EPHA1: variants seen among roughly 807,000 people sequenced by gnomAD.
EPHA1 encodes the protein EPH receptor A1.
EPHA1 carries 92 observed loss-of-function variants against 110.1 expected under a neutral mutation model. The ratio of observed to expected loss-of-function variants is 0.84; its 90% confidence interval spans 0.71 to 0.99. The LOEUF is 0.99. EPHA1 is among the 50% of genes least tolerant of loss of function. The probability of loss-of-function intolerance (pLI) is 0.00; values close to 1 mark genes in which losing one functional copy is unlikely to be tolerated. For synonymous variants in EPHA1, 500 were observed against 516.1 expected (o/e 0.97, Z 0.42); for missense variants, 1,204 against 1,285.4 (o/e 0.94, Z 0.97).
rs567687485 is a variant in EPHA1 at position 143,394,622 on chromosome 7, A to G, written c.2352+186T>C. Among the ~76,000 whole-genome samples, 7 of 152,106 alleles carry G rather than the reference A, an allele frequency of 4.6e-5. No homozygotes were observed. The South Asian group carries it at 1.2e-3, about 27-fold the overall frequency. On this transcript the variant is annotated intron_variant, in intron 14 of 17. Coordinates refer to ENST00000275815, the MANE Select transcript of EPHA1 (RefSeq NM_005232.5). The stretch of plus-strand genomic sequence containing the variant: ...TTTTTAGTAGAGACGGGGTTTCACC[A>G]TGTTCGCCAGGCTGGTCTCGATCTC...
Position 143,400,060 on chromosome 7 carries a change from A to G in EPHA1, c.433-7T>C. The stretch of plus-strand genomic sequence containing the variant: ...CTGCAGCCACCGTGGTTACCTGGGT[A>G]GAAGGTGGGGAAGAAAGGGGAGCAA... On this transcript the variant is annotated splice_polypyrimidine_tract_variant and splice_region_variant and intron_variant, in intron 3 of 17. Coordinates refer to ENST00000275815, the MANE Select transcript of EPHA1 (RefSeq NM_005232.5). The G allele has an allele frequency of 6.3e-7, 1 of 1,587,204 alleles. No homozygotes were observed. The highest frequency in any genetic ancestry group is 8.6e-7 in the Non-Finnish European group (1 of 1,163,312).
intron 16 of EPHA1, among the ~76,000 whole-genome samples, chr7:143,392,836 G>A (rs1188316919): frequency 6.6e-6 from 1 of 152,144 alleles, no homozygotes; most frequent in Non-Finnish European, 1.5e-5. Context: ...CAGCTACTCA[G>A]GAGGCCGAGA....
intron 2 of EPHA1, among the ~76,000 whole-genome samples, chr7:143,403,835 T>A (rs1217772935): frequency 6.6e-6 from 1 of 152,268 alleles, no homozygotes; most frequent in East Asian, 1.9e-4. Flanking sequence ...ACTATTTGTA[T>A]GTTTATGCAA....
chr7:143,402,871 T>G (rs1218810152), intron 2 of EPHA1, among the ~76,000 whole-genome samples: 1 of 152,150 alleles, frequency 6.6e-6, no homozygotes. Flanking sequence ...AGTAAAGACT[T>G]ACACAGAATA....
intron 3 of EPHA1, chr7:143,400,834 A>G (rs992930656): frequency 6.1e-6 from 1 of 165,250 alleles, no homozygotes; most frequent in African/African-American, 2.4e-5. Context: ...TGACACCCCC[A>G]AAGTCACGGC....
intron 2 of EPHA1, among the ~76,000 whole-genome samples, chr7:143,404,262 G>A (rs1805488427): frequency 6.6e-6 from 1 of 150,958 alleles, no homozygotes; most frequent in Non-Finnish European, 1.5e-5. Flanking sequence ...TATTGCCCAG[G>A]CTAGAGTGCA....
In EPHA1 at chr7:143,398,608, C is replaced by T. The variant is rs144934815; in HGVS notation, c.1329G>A (p.Gly443=). 4 of 1,613,484 alleles carry T rather than the reference C, an allele frequency of 2.5e-6. No homozygotes were observed. In the African/African-American group the frequency reaches 5.3e-5, roughly 21 times the overall value. Residue 443 remains glycine, a synonymous_variant, in exon 6 of 18, where the codon GGG becomes GGA. Coordinates refer to ENST00000275815, the MANE Select transcript of EPHA1 (RefSeq NM_005232.5). ...HASTSVSISM[G]HAESLSGLSL... ...CCCCTCTCAGCCTCTCACCTGCATG[C>T]CCCATGCTGATGCTGACTGAGGTGC...
In EPHA1 at chr7:143,401,886, G is replaced by A. The variant is rs1378419325; in HGVS notation, c.151-281C>T. ...CTTATTTCATCAGCAGAACAGCCAG[G>A]TACCCCCAAGGCAAAGCTCATTTAC... is the stretch of plus-strand genomic sequence containing the variant. On this transcript the variant is annotated intron_variant, in intron 2 of 17. Transcript: ENST00000275815. The surrounding 1 kb of genome is among the most constrained non-coding windows in gnomAD (Gnocchi z 4.1). Among the ~76,000 whole-genome samples, 1 of 152,108 alleles carries A rather than the reference G, an allele frequency of 6.6e-6. No individual in the cohort carries two copies. Among genetic ancestry groups the A allele is most frequent in the African/African-American group, 2.4e-5 (1 of 41,410 alleles).
chr7:143,394,739 C>T, intron 14 of EPHA1, 69 bp downstream of exon 14: 3 of 1,575,556 alleles, frequency 1.9e-6, no homozygotes, highest in Non-Finnish European at 8.7e-7. Flanking sequence ...TGCCTATATA[C>T]ATGTGACTGT....
chr7:143,407,840 G>A (rs1218781962), intron 1 of EPHA1, 162 bp from the exon 2 acceptor site: 2 of 553,970 alleles, frequency 3.6e-6, no homozygotes, highest in Non-Finnish European at 3.2e-6. Context: ...GGACTGAGGA[G>A]TGAAGAGCTC....
Position 143,395,414 on chromosome 7 carries a change from G to A in EPHA1, c.1988C>T (p.Pro663Leu), listed in dbSNP as rs757213006. Residue 663 changes from proline to leucine, a missense_variant, in exon 12 of 18, where the codon CCA becomes CTA. Transcript: ENST00000275815. The surrounding 1 kb of genome is among the most constrained non-coding windows in gnomAD (Gnocchi z 4.7). ...VAIKTLKDTS[P>L]GGQWWNFLRE... ...AAGGAAGTTCCACCACTGGCCACCTGGGGATGTGTCTTTTAAGGTCTTAAT... is the reference window on the plus strand; with the variant it reads ...AAGGAAGTTCCACCACTGGCCACCTAGGGATGTGTCTTTTAAGGTCTTAAT... 6.8e-6 allele frequency: 11 copies of A among 1,614,110 alleles called. No homozygotes were observed. The highest frequency in any genetic ancestry group is 3.3e-5 in the South Asian group (3 of 91,088).
Position 143,394,080 on chromosome 7 carries a change from A to G in EPHA1, c.2502+114T>C, listed in dbSNP as rs1805169396. 2.8e-6 allele frequency: 4 copies of G among 1,424,970 alleles called. No individual in the cohort carries two copies. The South Asian group carries it at 5.5e-5, about 20-fold the overall frequency. 88.3% of individuals were successfully genotyped at this position (1,424,970 alleles called of 1,614,324 possible). ...CCAGAGGAGCCAGGAGTACAGAAAA[A>G]CTGAAGGTCATGAATAAATAAAGAT... On this transcript the variant is annotated intron_variant, in intron 15 of 17. Transcript: ENST00000275815.
Position 143,401,358 on chromosome 7 carries a change from A to C in EPHA1, c.398T>G (p.Val133Gly), listed in dbSNP as rs1287337651. Residue 133 changes from valine (V) to glycine (G), a missense_variant, in exon 3 of 18, where the codon GTG becomes GGG. Physicochemically the swap from Val to Gly is moderately radical, Grantham distance 109. Coordinates refer to ENST00000275815, the MANE Select transcript of EPHA1 (RefSeq NM_005232.5). This position sits in a 1 kb window ranked among gnomAD's most constrained non-coding sequence, Gnocchi z 4.1. ...CAAGGGCCGTCGGAGCTGAATGCCC[A>C]CATCCTGGTCACTCTCCATGTACAG... ...NLLYMESDQD[V>G]GIQLRRPLFQ... 6.2e-7 allele frequency: 1 copy of C among 1,613,962 alleles called. No individual in the cohort carries two copies. Among genetic ancestry groups the C allele is most frequent in the Non-Finnish European group, 8.5e-7 (1 of 1,180,038 alleles).
intron 2 of EPHA1, among the ~76,000 whole-genome samples, chr7:143,404,420 T>C (rs1322549103): frequency 6.6e-6 from 1 of 152,114 alleles, no homozygotes. Context: ...GGTTTCACTG[T>C]GTTAGCCAGG....
chr7:143,396,631 C>A (rs1563116158), intron 10 of EPHA1, 121 bp from the exon 11 acceptor site: 2 of 1,252,074 alleles, frequency 1.6e-6, no homozygotes, highest in South Asian at 1.5e-5. Context: ...CAAGGTGACT[C>A]CTGTTTGGGC....
chr7:143,401,743 G>T lies in EPHA1; in HGVS notation c.151-138C>A. ...TTGTTCTGCCTCTCCCCACCCCTCA[G>T]CTCCAGGACAGTAGACTGAGTGTTT... On this transcript the variant is annotated intron_variant, in intron 2 of 17. Coordinates refer to ENST00000275815, the MANE Select transcript of EPHA1 (RefSeq NM_005232.5). The surrounding 1 kb of genome is among the most constrained non-coding windows in gnomAD (Gnocchi z 4.1). 1 of 1,006,444 alleles carries T rather than the reference G, an allele frequency of 9.9e-7. No individual in the cohort carries two copies. Among genetic ancestry groups the T allele is most frequent in the Non-Finnish European group, 1.5e-6 (1 of 687,298 alleles). The allele number at this position is 1,006,444 out of a possible 1,614,324, so 62.3% of individuals were successfully genotyped here.
chr7:143,397,995 C>G lies in EPHA1; in HGVS notation c.1540G>C (p.Val514Leu), dbSNP rs567483385. ...AGTGGGGTCAGCATTCGGACTCTGACGATGTATGTGGTGTCAGGCTGCAGC... is the reference window on the plus strand; with the variant it reads ...AGTGGGGTCAGCATTCGGACTCTGAGGATGTATGTGGTGTCAGGCTGCAGC... Reference protein sequence around the residue: ...TELQPDTTYIVRVRMLTPLGP... With the variant: ...TELQPDTTYILRVRMLTPLGP... Residue 514 changes from valine (V) to leucine (L), a missense_variant, in exon 8 of 18, where the codon GTC becomes CTC. Val to Leu is a conservative substitution (Grantham distance 32). Transcript: ENST00000275815. 5 of 1,613,974 alleles carry G rather than the reference C, an allele frequency of 3.1e-6. No individual in the cohort carries two copies. The highest frequency in any genetic ancestry group is 4.2e-6 in the Non-Finnish European group (5 of 1,180,008).
At chr7:143,396,567 G>T in intron 10 of EPHA1, 57 bp from the exon 11 acceptor site, 3 of 1,592,666 alleles carry the variant, frequency 1.9e-6, no homozygotes, top group Non-Finnish European at 8.6e-7. Context: ...GAGTATGGGG[G>T]TCAGGAGAAG....
intron 10 of EPHA1, chr7:143,396,711 G>A: frequency 1.7e-6 from 1 of 588,010 alleles, no homozygotes; most frequent in Non-Finnish European, 2.9e-6. Context: ...AAGCTCCGCT[G>A]TCCTCACTCC....
Sources: allele counts gnomAD v4.1 joint callset (sites outside exome capture counted in the v4.1 genomes callset), GRCh38; gene constraint gnomAD v4.1.1; non-coding constraint Gnocchi (gnomAD v3.1); transcripts MANE v1.5; gene names NCBI Gene and HGNC (gene_info 2026-07-23, HGNC 2026-07-21).